ASAP1: variants seen among roughly 807,000 people sequenced by gnomAD.
ASAP1 encodes ArfGAP with SH3 domain, ankyrin repeat and PH domain 1, also known as arf-GAP with SH3 domain, ANK repeat and PH domain-containing protein 1.
ASAP1 carries 43 observed loss-of-function variants against 145.2 expected under a neutral mutation model. The ratio of observed to expected loss-of-function variants is 0.30; its 90% CI spans 0.23 to 0.38. ASAP1 has a LOEUF of 0.38. Ranked by LOEUF, ASAP1 falls within the 10% of genes least tolerant of loss-of-function variation. ASAP1 has a pLI of 1.00. For synonymous variants in ASAP1, 546 were observed against 515.5 expected (o/e 1.06, Z -0.80); for missense variants, 1,018 against 1,355.3 (o/e 0.75, Z 3.91).
intron 2 of ASAP1, among the ~76,000 whole-genome samples, chr8:130,366,552 C>A (rs891721598): frequency 6.6e-6 from 1 of 152,142 alleles, no homozygotes; most frequent in Admixed American, 6.5e-5. Context: ...AGGAGGGAAC[C>A]AGTCAGTTCA....
At chr8:130,370,779 C>T (rs1346471748) in intron 2 of ASAP1, among the ~76,000 whole-genome samples, 2 of 152,162 alleles carry the variant, frequency 1.3e-5, no homozygotes, top group Non-Finnish European at 2.9e-5. Context: ...AAACATTATG[C>T]TAAGTCAAAA....
At chr8:130,055,838 C>A (rs939665238) in intron 29 of ASAP1, among the ~76,000 whole-genome samples, 4 of 152,244 alleles carry the variant, frequency 2.6e-5, no homozygotes, top group African/African-American at 9.6e-5. Flanking sequence ...TCAACCAGGC[C>A]TGCCCAGCTC....
At chr8:130,385,588 G>A (rs564213729) in intron 2 of ASAP1, among the ~76,000 whole-genome samples, 1 of 152,350 alleles carries the variant, frequency 6.6e-6, no homozygotes, top group South Asian at 2.1e-4. Context: ...AGGTGGGTAG[G>A]AATCTCAACT....
chr8:130,103,182 T>C (rs922312428), intron 24 of ASAP1, among the ~76,000 whole-genome samples: 2 of 152,166 alleles, frequency 1.3e-5, no homozygotes, highest in African/African-American at 2.4e-5. Context: ...TCCTCTAGGT[T>C]TCCTAATTTG....
chr8:130,413,473 T>C (rs1410181848), intron 1 of ASAP1, among the ~76,000 whole-genome samples: 1 of 152,202 alleles, frequency 6.6e-6, no homozygotes, highest in Non-Finnish European at 1.5e-5. Flanking sequence ...AGAACTATTT[T>C]CTCTCCCAAC....
chr8:130,204,205 G>C (rs553338818), intron 5 of ASAP1, among the ~76,000 whole-genome samples: 36 of 152,292 alleles, frequency 2.4e-4, no homozygotes, highest in Admixed American at 6.5e-4. Context: ...GCATATGCAA[G>C]GGATCTAGGT....
intron 2 of ASAP1, among the ~76,000 whole-genome samples, chr8:130,380,175 A>G (rs1428216786): frequency 6.6e-6 from 1 of 152,228 alleles, no homozygotes; most frequent in Non-Finnish European, 1.5e-5. Flanking sequence ...GATCCCAACT[A>G]GATGAATGGG....
intron 3 of ASAP1, among the ~76,000 whole-genome samples, chr8:130,279,321 G>A (rs1335077597): frequency 6.6e-6 from 1 of 152,074 alleles, no homozygotes; most frequent in Non-Finnish European, 1.5e-5. Flanking sequence ...CACACCTTCT[G>A]CTGAAATCTG....
At chr8:130,435,349 C>A (rs937280443) in intron 1 of ASAP1, among the ~76,000 whole-genome samples, 1 of 152,190 alleles carries the variant, frequency 6.6e-6, no homozygotes, top group Non-Finnish European at 1.5e-5. Context: ...TTCTTTCTTT[C>A]TTCTGAAATG....
intron 3 of ASAP1, among the ~76,000 whole-genome samples, chr8:130,297,316 A>G (rs1018101945): frequency 2.6e-5 from 4 of 152,220 alleles, no homozygotes; most frequent in Non-Finnish European, 5.9e-5. Flanking sequence ...GAGGGTACAG[A>G]AAGTCAACCT....
chr8:130,062,557 G>C (rs1436360845), intron 27 of ASAP1, among the ~76,000 whole-genome samples: 1 of 152,192 alleles, frequency 6.6e-6, no homozygotes, highest in Non-Finnish European at 1.5e-5. Flanking sequence ...AAAAAGCTAG[G>C]GGGAATCCCT....
In ASAP1 at chr8:130,060,673, C is replaced by G; in HGVS notation, c.3098G>C (p.Arg1033Thr). Residue 1033 changes from arginine to threonine, a missense_variant, in exon 28 of 30, where the codon AGA becomes ACA. Physicochemically the swap from Arg to Thr is moderately conservative, Grantham distance 71. Coordinates refer to ENST00000518721, the MANE Select transcript of ASAP1 (RefSeq NM_018482.4). ...PLDLSPNVQSRDAIQKQASED... is the reference protein window; with the variant it reads ...PLDLSPNVQSTDAIQKQASED... ...AGATGCTTGCTTTTGGATGGCGTCT[C>G]TGGACTGCACATTTGGGGATAGATC... The G allele has an allele frequency of 6.2e-7, 1 of 1,614,190 alleles. No individual in the cohort carries two copies. Among genetic ancestry groups the G allele is most frequent in the Non-Finnish European group, 8.5e-7 (1 of 1,180,046 alleles).
At chr8:130,285,588 C>G (rs1821558117) in intron 3 of ASAP1, among the ~76,000 whole-genome samples, 1 of 152,030 alleles carries the variant, frequency 6.6e-6, no homozygotes, top group African/African-American at 2.4e-5. Flanking sequence ...AATATTCAGC[C>G]AATTGTAACT....
intron 1 of ASAP1, among the ~76,000 whole-genome samples, chr8:130,429,143 C>T (rs73427428): frequency 6.6e-6 from 1 of 152,200 alleles, no homozygotes; most frequent in African/African-American, 2.4e-5. Flanking sequence ...TTTATAAGGA[C>T]ACCAGTCATT....
intron 3 of ASAP1, among the ~76,000 whole-genome samples, chr8:130,242,186 T>C (rs939107469): frequency 4.1e-5 from 6 of 147,732 alleles, no homozygotes; most frequent in African/African-American, 1.0e-4. Context: ...CAGAAGGCAG[T>C]TGCCAGTGAA....
At chr8:130,432,648 C>T (rs1830176482) in intron 1 of ASAP1, among the ~76,000 whole-genome samples, 1 of 152,194 alleles carries the variant, frequency 6.6e-6, no homozygotes, top group South Asian at 2.1e-4. Context: ...CTAAGCTAGG[C>T]TCCCTCATGG....
chr8:130,104,261 T>A (rs899812469), intron 24 of ASAP1, among the ~76,000 whole-genome samples: 3 of 152,258 alleles, frequency 2.0e-5, no homozygotes, highest in African/African-American at 7.2e-5. Flanking sequence ...CTAACATTTT[T>A]AAATCTCTGC....
intron 26 of ASAP1, among the ~76,000 whole-genome samples, chr8:130,079,184 G>C (rs1462350879): frequency 6.6e-6 from 1 of 152,172 alleles, no homozygotes; most frequent in Non-Finnish European, 1.5e-5. Context: ...GACAGAGAAA[G>C]GCCCTATCTC....
chr8:130,301,662 A>G (rs993048686), intron 3 of ASAP1, among the ~76,000 whole-genome samples: 2 of 152,246 alleles, frequency 1.3e-5, no homozygotes, highest in Non-Finnish European at 2.9e-5. Context: ...GAAATAACTA[A>G]TGTAACCAGA....
Sources: gnomAD v4.1 joint callset for allele counts (sites outside exome capture counted in the v4.1 genomes callset) on GRCh38, gnomAD v4.1.1 for gene constraint, MANE v1.5 for transcripts, NCBI Gene and HGNC (gene_info 2026-07-23, HGNC 2026-07-21) for gene names.